PXDNL: variants seen among roughly 807,000 people sequenced by gnomAD.
The protein encoded by PXDNL is probable oxidoreductase PXDNL.
A neutral mutation model predicts 150.8 loss-of-function variants in PXDNL; 145 were observed. The observed-to-expected ratio is 0.96, with a 90% CI of 0.84 to 1.10. PXDNL has a LOEUF of 1.10. PXDNL is among the 50% of genes least tolerant of loss of function. The pLI is 0.00. For synonymous variants in PXDNL, 757 were observed against 725.7 expected, an observed-to-expected ratio of 1.04 and a Z score of -0.69; for missense variants, 2,087 against 1,873.9, an observed-to-expected ratio of 1.11 and a Z score of -2.10.
At chr8:51,419,771 A>C (rs1269466309) in intron 14 of PXDNL, among the ~76,000 whole-genome samples, 1 of 152,198 alleles carries the variant, frequency 6.6e-6, no homozygotes, top group African/African-American at 2.4e-5. Flanking sequence ...CATTTTATCT[A>C]AATAAAATGT....
At chr8:51,774,259 C>T (rs1166780777) in intron 1 of PXDNL, among the ~76,000 whole-genome samples, 3 of 152,160 alleles carry the variant, frequency 2.0e-5, no homozygotes, top group Non-Finnish European at 4.4e-5. Context: ...CAGTTCTCCC[C>T]ACTTAAAAGC....
chr8:51,770,720 G>C (rs1021918112), intron 1 of PXDNL, among the ~76,000 whole-genome samples: 1 of 152,220 alleles, frequency 6.6e-6, no homozygotes, highest in African/African-American at 2.4e-5. Context: ...CAGTGAGATA[G>C]ATGTCTTCAT....
intron 12 of PXDNL, among the ~76,000 whole-genome samples, chr8:51,430,118 A>G (rs1350983785): frequency 1.3e-5 from 2 of 152,126 alleles, no homozygotes; most frequent in African/African-American, 2.4e-5. Flanking sequence ...TCCTGACACA[A>G]CAGTTGCTCA....
At chr8:51,557,508 G>T (rs998678145) in intron 3 of PXDNL, among the ~76,000 whole-genome samples, 3 of 152,078 alleles carry the variant, frequency 2.0e-5, no homozygotes, top group African/African-American at 7.2e-5. Context: ...TTCAACCATA[G>T]GTTAGTAAGG....
intron 1 of PXDNL, among the ~76,000 whole-genome samples, chr8:51,754,885 A>AT (rs1028010277): frequency 6.6e-5 from 10 of 151,992 alleles, no homozygotes; most frequent in East Asian, 1.9e-4. Flanking sequence ...TTCATTCAGC[A>AT]TTAAAAAAAA....
At chr8:51,580,480 T>C (rs778315201) in intron 3 of PXDNL, among the ~76,000 whole-genome samples, 26 of 152,152 alleles carry the variant, frequency 1.7e-4, no homozygotes, top group African/African-American at 2.7e-4. Flanking sequence ...TAAGTCCAAA[T>C]TCCATTCTCT....
intron 21 of PXDNL, among the ~76,000 whole-genome samples, chr8:51,321,576 C>A (rs959010629): frequency 1.3e-5 from 2 of 151,996 alleles, no homozygotes; most frequent in African/African-American, 4.8e-5. Flanking sequence ...GTAGTGAATT[C>A]TCATGAGATC....
At chr8:51,721,820 C>A in intron 1 of PXDNL, 1 of 304,324 alleles carries the variant, frequency 3.3e-6, no homozygotes, top group South Asian at 3.7e-5. Flanking sequence ...TTAAACTAGT[C>A]AGTCTGCACC....
intron 1 of PXDNL, among the ~76,000 whole-genome samples, chr8:51,748,507 C>T (rs980243197): frequency 5.3e-5 from 8 of 152,152 alleles, no homozygotes; most frequent in East Asian, 3.9e-4. Context: ...CACTGCATTC[C>T]GACAGGACAC....
intron 17 of PXDNL, among the ~76,000 whole-genome samples, chr8:51,390,966 A>G (rs941221074): frequency 5.3e-5 from 8 of 151,978 alleles, no homozygotes; most frequent in South Asian, 2.1e-4. Flanking sequence ...TCACTGTTCA[A>G]TTCCCACCTA....
chr8:51,737,358 G>C (rs1293643459), intron 1 of PXDNL, among the ~76,000 whole-genome samples: 2 of 152,214 alleles, frequency 1.3e-5, no homozygotes, highest in African/African-American at 4.8e-5. Context: ...TGCCCAAAAA[G>C]AAGCACTGCA....
At chr8:51,490,940 G>A (rs1288054107) in intron 5 of PXDNL, among the ~76,000 whole-genome samples, 1 of 152,126 alleles carries the variant, frequency 6.6e-6, no homozygotes, top group Non-Finnish European at 1.5e-5. Flanking sequence ...GTGCTTGTGA[G>A]GGTGTTGCCA....
chr8:51,556,966 C>G, intron 3 of PXDNL, 55 bp from the exon 4 acceptor site: 1 of 1,035,750 alleles, frequency 9.7e-7, no homozygotes, highest in Non-Finnish European at 1.5e-6. Flanking sequence ...TACCACATGT[C>G]TTAGATACAA....
At position 51,659,936 on chromosome 8, in the gene PXDNL, G is replaced by A. The variant is rs144255339; in HGVS notation, c.165-5176C>T. On this transcript the variant is annotated intron_variant, in intron 1 of 22. Transcript: ENST00000356297. ...AAGGAGTCTTGCTCTTGTCGCCCAG[G>A]CTGGAGTGCAGTGGTGAGATCTTAG... Among the ~76,000 whole-genome samples the A allele has an allele frequency of 6.2e-3, 934 of 151,372 alleles. 6 individuals carry two copies. Among genetic ancestry groups the A allele is most frequent in the Non-Finnish European group, 9.6e-3 (648 of 67,848 alleles).
In PXDNL at chr8:51,409,347, G is replaced by C. The variant is rs199714889; in HGVS notation, c.2277C>G (p.Asp759Glu). The C allele has an allele frequency of 7.9e-6, 12 of 1,521,680 alleles. No homozygotes were observed. In the African/African-American group the frequency reaches 1.6e-4, roughly 20 times the overall value. 94.3% of individuals were successfully genotyped at this position (1,521,680 alleles called of 1,614,324 possible). A position where few individuals can be genotyped will look rare whatever the true frequency, so the allele number is the denominator to read the frequency against. ...CGAGCCCGCGGGGCGCGCGGATGCCGTCCCGGTAGGCTGGCTGCAGCAGGC... is the reference window on the plus strand; with the variant it reads ...CGAGCCCGCGGGGCGCGCGGATGCCCTCCCGGTAGGCTGGCTGCAGCAGGC... ...FARLLQPAYR[D>E]GIRAPRGLGL... Residue 759 changes from aspartate (D) to glutamate (E), a missense_variant, in exon 17 of 23, where the codon GAC becomes GAG. Physicochemically the swap from Asp to Glu is conservative, Grantham distance 45. Transcript: ENST00000356297.
rs1563481809 is a variant in PXDNL at position 51,608,059 on chromosome 8, AAGCAAGCAAGCAAGCAAGCAAGC to A, written c.237-15384_237-15362del. Among the ~76,000 whole-genome samples, 41 of 107,762 alleles carry A rather than the reference AAGCAAGCAAGCAAGCAAGCAAGC, an allele frequency of 3.8e-4. 2 individuals carry two copies. The highest frequency in any genetic ancestry group is 5.3e-4 in the Non-Finnish European group (28 of 52,750). The allele number at this position is 107,762 out of a possible 152,430, so 70.7% of individuals were successfully genotyped here. On this transcript the variant is annotated intron_variant, in intron 2 of 22. Coordinates refer to ENST00000356297, the MANE Select transcript of PXDNL (RefSeq NM_144651.5). ...AAAGAAAGAAAGAAAGAAAGAAAGC[AAGCAAGCAAGCAAGCAAGCAAGC>A]AAGCAAGCAAGCAAGCAAGCAAGCA...
At chr8:51,574,039 C>T (rs150605596) in intron 3 of PXDNL, among the ~76,000 whole-genome samples, 7 of 152,016 alleles carry the variant, frequency 4.6e-5, no homozygotes, top group East Asian at 1.9e-4. Context: ...ACCCAGCCTG[C>T]GGGACTTTCT....
At chr8:51,502,317 C>T (rs758762986) in intron 4 of PXDNL, among the ~76,000 whole-genome samples, 5 of 152,114 alleles carry the variant, frequency 3.3e-5, no homozygotes, top group Non-Finnish European at 5.9e-5. Flanking sequence ...GCTATGGAAA[C>T]CTGATCCAAG....
chr8:51,691,276 T>G (rs998952550), intron 1 of PXDNL, among the ~76,000 whole-genome samples: 1 of 152,200 alleles, frequency 6.6e-6, no homozygotes, highest in African/African-American at 2.4e-5. Context: ...ATGCCTAGGT[T>G]TTGTTCTAGG....
Sources: allele counts gnomAD v4.1 joint callset (sites outside exome capture counted in the v4.1 genomes callset), GRCh38; gene constraint gnomAD v4.1.1; transcripts MANE v1.5; gene names NCBI Gene and HGNC (gene_info 2026-07-23, HGNC 2026-07-21).